Variants in DGAT1 observed in about 807,000 individuals in gnomAD.
DGAT1 encodes diacylglycerol O-acyltransferase 1, also known as ACAT related gene product 1.
Under a neutral mutation model 72.6 loss-of-function variants are expected in DGAT1, and 60 were observed. The observed-to-expected ratio is 0.83, with a 90% CI of 0.67 to 1.02. The LOEUF is 1.02. Among genes scored for constraint, DGAT1 ranks in the 50% least tolerant of loss-of-function variants. The pLI is 0.00. For missense variants in DGAT1, 592 were observed against 670.0 expected (o/e 0.88, Z 1.29); for synonymous variants, 290 against 267.5 (o/e 1.08, Z -0.82).
Position 144,325,880 on chromosome 8 carries a change from C to G in DGAT1, c.200+557G>C, listed in dbSNP as rs192752977. ...CTGGAGCAATGAATGGGCCACGCAG[C>G]CACTCTCAGAAGGGTCTGCAAGGAC... On this transcript the variant is annotated intron_variant, in intron 1 of 16. Transcript: ENST00000528718. Among the ~76,000 whole-genome samples, 4 of 152,188 alleles carry G rather than the reference C, an allele frequency of 2.6e-5. 1 individual carries two copies. Among genetic ancestry groups the G allele is most frequent in the Admixed American group, 2.6e-4 (4 of 15,288 alleles).
chr8:144,317,694 G>A lies in DGAT1; in HGVS notation c.913C>T (p.Gln305Ter), dbSNP rs1002226053. The change falls in exon 11 of 17, where the codon CAG becomes TAG. Residue 305 changes from glutamine to a stop codon, truncating the protein, a stop_gained. Coordinates refer to ENST00000528718, the MANE Select transcript of DGAT1 (RefSeq NM_012079.6). LOFTEE classifies it high-confidence loss of function. ...ACCTTGAAGGGCTTCATGGAGTTCT[G>A]GATGGTGGGGACCATCCACTGCAAA... ...LIQQWMVPTIQNSMKPFKDMD... is the reference protein window; with the variant it reads ...LIQQWMVPTI 2 of 1,613,698 alleles carry A rather than the reference G, an allele frequency of 1.2e-6. No individual in the cohort carries two copies.
Position 144,318,552 on chromosome 8 carries a change from C to T in DGAT1, c.483G>A (p.Glu161=), listed in dbSNP as rs1439487383. The change falls in exon 6 of 17, where the codon GAG becomes GAA. Residue 161 remains glutamate (E), a synonymous_variant. Coordinates refer to ENST00000528718, the MANE Select transcript of DGAT1 (RefSeq NM_012079.6). ...CCACGTGCAGCAGCAGTCCCGCCTGCTCCGTCAGGGCACCCTGGAGTGGGG... is the reference window on the plus strand; with the variant it reads ...CCACGTGCAGCAGCAGTCCCGCCTGTTCCGTCAGGGCACCCTGGAGTGGGG... ...EKRLAVGALT[E]QAGLLLHVAN... The T allele has an allele frequency of 6.2e-7, 1 of 1,612,194 alleles. No homozygotes were observed. Among genetic ancestry groups the T allele is most frequent in the Non-Finnish European group, 8.5e-7 (1 of 1,179,882 alleles).
At position 144,317,250 on chromosome 8, in the gene DGAT1, T is replaced by C; in HGVS notation, c.1097A>G (p.Asn366Ser). The C allele has an allele frequency of 6.2e-7, 1 of 1,610,252 alleles. No individual in the cohort carries two copies. Among genetic ancestry groups the C allele is most frequent in the Non-Finnish European group, 8.5e-7 (1 of 1,177,450 alleles). The stretch of plus-strand genomic sequence containing the variant: ...CCAGAAGTAGGTGACAGACTCGGAG[T>C]TCCTGGGGGCCAAGAGACCACAGGG... ...GDREFYRDWW[N>S]SESVTYFWQN... Residue 366 changes from asparagine to serine, a missense_variant and splice_region_variant, in exon 14 of 17, where the codon AAC becomes AGC. Transcript: ENST00000528718.
chr8:144,316,403 CAG>C lies in DGAT1; in HGVS notation c.*149_*150del, dbSNP rs1344728129. The C allele has an allele frequency of 1.0e-6, 1 of 997,796 alleles. No homozygotes were observed. The highest frequency in any genetic ancestry group is 1.4e-6 in the Non-Finnish European group (1 of 698,532). 61.8% of individuals were successfully genotyped at this position (997,796 alleles called of 1,614,324 possible). A position where few individuals can be genotyped will look rare whatever the true frequency, so the allele number is the denominator to read the frequency against. On this transcript the variant is annotated 3_prime_UTR_variant, in exon 17 of 17. Coordinates refer to ENST00000528718, the MANE Select transcript of DGAT1 (RefSeq NM_012079.6). ...GTCGCCATCCCTGAGGGGTGCAGGA[CAG>C]AGCCCCATAGGGGCAGAGAGGCCTC...
In DGAT1 at chr8:144,315,981, C is replaced by G; in HGVS notation, c.*573G>C. 1 of 982,724 alleles carries G rather than the reference C, an allele frequency of 1.0e-6. No homozygotes were observed. Among genetic ancestry groups the G allele is most frequent in the Non-Finnish European group, 1.2e-6 (1 of 827,198 alleles). 60.9% of individuals were successfully genotyped at this position (982,724 alleles called of 1,614,324 possible). A position where few individuals can be genotyped will look rare whatever the true frequency, so the allele number is the denominator to read the frequency against. Reference sequence around the variant, plus strand: ...AACCCAGGGCCGACCTCTTCCCAAGCTGAAGCTGAGCACGGTGGGTGCAAG... The same window carrying G: ...AACCCAGGGCCGACCTCTTCCCAAGGTGAAGCTGAGCACGGTGGGTGCAAG... On this transcript the variant is annotated 3_prime_UTR_variant, in exon 17 of 17. Transcript: ENST00000528718.
At chr8:144,320,419 A>AC (rs1817415623) in intron 2 of DGAT1, among the ~76,000 whole-genome samples, 1 of 152,082 alleles carries the variant, frequency 6.6e-6, no homozygotes, top group South Asian at 2.1e-4. Context: ...ACAGCTGGCC[A>AC]CCCCCAGGGA....
chr8:144,325,023 C>T (rs1817560414), intron 1 of DGAT1, among the ~76,000 whole-genome samples: 1 of 151,758 alleles, frequency 6.6e-6, no homozygotes, highest in Admixed American at 6.6e-5. Flanking sequence ...AAGAATGTGC[C>T]ATTTTACTCC....
At chr8:144,317,648 G>A (rs1202814029) in intron 11 of DGAT1, 23 bp downstream of exon 11, 2 of 1,613,784 alleles carry the variant, frequency 1.2e-6, no homozygotes, top group Non-Finnish European at 1.7e-6. Flanking sequence ...CACCCCAGCT[G>A]CAAGAGCACC....
Position 144,314,824 on chromosome 8 carries a change from G to A in DGAT1, c.*1730C>T. The A allele has an allele frequency of 1.2e-6, 1 of 869,344 alleles. No individual in the cohort carries two copies. Among genetic ancestry groups the A allele is most frequent in the Non-Finnish European group, 1.4e-6 (1 of 721,954 alleles). The allele number at this position is 869,344 out of a possible 1,614,324, so 53.9% of individuals were successfully genotyped here. On this transcript the variant is annotated 3_prime_UTR_variant, in exon 17 of 17. Transcript: ENST00000528718. ...AGGGCCGGGCTGCAGTGGCCTCCTG[G>A]GGGAAGACGGATGCTTGCAGCTAGC... is the stretch of plus-strand genomic sequence containing the variant.
intron 2 of DGAT1, 62 bp downstream of exon 2, chr8:144,321,259 G>A: frequency 2.0e-6 from 3 of 1,524,950 alleles, no homozygotes; most frequent in Non-Finnish European, 2.7e-6. Flanking sequence ...TCAGGCAAAG[G>A]CCAGCCTGGG....
Position 144,314,882 on chromosome 8 carries a change from G to A in DGAT1, c.*1672C>T, listed in dbSNP as rs1225127819. 5.1e-6 allele frequency: 5 copies of A among 986,168 alleles called. No individual in the cohort carries two copies. Among genetic ancestry groups the A allele is most frequent in the Non-Finnish European group, 6.0e-6 (5 of 829,808 alleles). The allele number at this position is 986,168 out of a possible 1,614,324, so 61.1% of individuals were successfully genotyped here. A position where few individuals can be genotyped will look rare whatever the true frequency, so the allele number is the denominator to read the frequency against. On this transcript the variant is annotated 3_prime_UTR_variant, in exon 17 of 17. Transcript: ENST00000528718. ...CTGCCCGACTCCCCAGGACCAGCAT[G>A]TGCTTGCAGTTCTTTATTGAGGGAC...
In DGAT1 at chr8:144,315,390, A is replaced by C. The variant is rs1188771430; in HGVS notation, c.*1164T>G. ...GAGCCCACCCTCCCCTCACACCACCAGTTCAGCAGGTTGCTGATGAGGCCC... is the reference window on the plus strand; with the variant it reads ...GAGCCCACCCTCCCCTCACACCACCCGTTCAGCAGGTTGCTGATGAGGCCC... On this transcript the variant is annotated 3_prime_UTR_variant, in exon 17 of 17. Coordinates refer to ENST00000528718, the MANE Select transcript of DGAT1 (RefSeq NM_012079.6). 8 of 985,338 alleles carry C rather than the reference A, an allele frequency of 8.1e-6. No individual in the cohort carries two copies. In the African/African-American group the frequency reaches 1.4e-4, roughly 17 times the overall value. The allele number at this position is 985,338 out of a possible 1,614,324, so 61.0% of individuals were successfully genotyped here.
At chr8:144,317,307 C>G (rs781916267) in intron 13 of DGAT1, 26 bp downstream of exon 13, 6 of 1,612,806 alleles carry the variant, frequency 3.7e-6, no homozygotes, top group African/African-American at 1.3e-5. Context: ...CATCCCAGCC[C>G]CCAGGGACAC....
chr8:144,315,304 A>C lies in DGAT1; in HGVS notation c.*1250T>G. 2.0e-6 allele frequency: 2 copies of C among 985,402 alleles called. No homozygotes were observed. Among genetic ancestry groups the C allele is most frequent in the Non-Finnish European group, 2.4e-6 (2 of 829,930 alleles). The allele number at this position is 985,402 out of a possible 1,614,324, so 61.0% of individuals were successfully genotyped here. ...CTGCCATCCTCAGCAGGGCCCAAGG[A>C]GATGCCTCCATCTCAGGGCCCACCA... On this transcript the variant is annotated 3_prime_UTR_variant, in exon 17 of 17. Transcript: ENST00000528718.
chr8:144,323,484 G>A (rs1817514548), intron 1 of DGAT1, among the ~76,000 whole-genome samples: 1 of 152,054 alleles, frequency 6.6e-6, no homozygotes, highest in Non-Finnish European at 1.5e-5. Flanking sequence ...AGAGCTCCAA[G>A]CAGTCAGTGC....
In DGAT1 at chr8:144,315,711, G is replaced by A. The variant is rs1817182198; in HGVS notation, c.*843C>T. On this transcript the variant is annotated 3_prime_UTR_variant, in exon 17 of 17. Transcript: ENST00000528718. The stretch of plus-strand genomic sequence containing the variant: ...CAGCCTGGTGCCAGAAGAGCAGAGG[G>A]CAAGGCAGGCCTGGGGATCAGGGGT... 2.2e-6 allele frequency: 2 copies of A among 928,140 alleles called. No homozygotes were observed. Among genetic ancestry groups the A allele is most frequent in the African/African-American group, 1.8e-5 (1 of 56,040 alleles). 57.5% of individuals were successfully genotyped at this position (928,140 alleles called of 1,614,324 possible). A position where few individuals can be genotyped will look rare whatever the true frequency, so the allele number is the denominator to read the frequency against.
Position 144,315,377 on chromosome 8 carries a change from C to A in DGAT1, c.*1177G>T. ...GATACCACCAAGGGAGCCCACCCTC[C>A]CCTCACACCACCAGTTCAGCAGGTT... On this transcript the variant is annotated 3_prime_UTR_variant, in exon 17 of 17. Coordinates refer to ENST00000528718, the MANE Select transcript of DGAT1 (RefSeq NM_012079.6). 1 of 985,494 alleles carries A rather than the reference C, an allele frequency of 1.0e-6. No individual in the cohort carries two copies. The highest frequency in any genetic ancestry group is 1.2e-6 in the Non-Finnish European group (1 of 829,960). The allele number at this position is 985,494 out of a possible 1,614,324, so 61.0% of individuals were successfully genotyped here.
chr8:144,317,744 C>G (rs188787685), intron 10 of DGAT1, 32 bp from the exon 11 acceptor site: 1 of 1,613,414 alleles, frequency 6.2e-7, no homozygotes, highest in East Asian at 2.2e-5. Context: ...CAGCTCCCAG[C>G]CATGCCCAGC....
rs1174644905 is a variant in DGAT1 at position 144,316,454 on chromosome 8, T to C, written c.*100A>G. 1 of 1,400,536 alleles carries C rather than the reference T, an allele frequency of 7.1e-7. No individual in the cohort carries two copies. The allele number at this position is 1,400,536 out of a possible 1,614,324, so 86.8% of individuals were successfully genotyped here. On this transcript the variant is annotated 3_prime_UTR_variant, in exon 17 of 17. Transcript: ENST00000528718. ...TCCCTGGGACCAGAGGAGGATGCTG[T>C]GCAGCCAGGCCCATCCCCAGCACTC...
Sources: gnomAD v4.1 joint callset for allele counts (sites outside exome capture counted in the v4.1 genomes callset) on GRCh38, gnomAD v4.1.1 for gene constraint, MANE v1.5 for transcripts, NCBI Gene and HGNC (gene_info 2026-07-23, HGNC 2026-07-21) for gene names.